The following SMARCA2 variants were observed in gnomAD, a reference collection of about 807,000 sequenced individuals.
SMARCA2 encodes SWI/SNF-related matrix-associated actin-dependent regulator of chromatin subfamily A member 2.
SMARCA2 carries 61 observed loss-of-function variants against 199.8 expected under a neutral mutation model. The observed-to-expected ratio is 0.31, with a 90% confidence interval of 0.25 to 0.38. The LOEUF is 0.38. Among genes scored for constraint, SMARCA2 ranks in the 10% least tolerant of loss-of-function variants. SMARCA2 has a pLI of 1.00. For missense variants in SMARCA2, 1,344 were observed against 2,012.2 expected (o/e 0.67, Z 6.35); for synonymous variants, 935 against 732.0 (o/e 1.28, Z -4.48).
chr9:2,139,463 T>C (rs1824363205), intron 27 of SMARCA2, among the ~76,000 whole-genome samples: 1 of 152,170 alleles, frequency 6.6e-6, no homozygotes, highest in Non-Finnish European at 1.5e-5. Context: ...TGGTGTGATA[T>C]TGTGAAGTCC....
chr9:2,187,435 G>T (rs1398313574), intron 32 of SMARCA2, among the ~76,000 whole-genome samples: 1 of 152,132 alleles, frequency 6.6e-6, no homozygotes, highest in African/African-American at 2.4e-5. Flanking sequence ...ACTCTGGGAG[G>T]CTGAGGCAGA....
At chr9:2,135,057 C>G (rs565165942) in intron 27 of SMARCA2, among the ~76,000 whole-genome samples, 1 of 152,186 alleles carries the variant, frequency 6.6e-6, no homozygotes, top group African/African-American at 2.4e-5. Flanking sequence ...CATGAGATGC[C>G]ACCTGCAAGT....
chr9:2,133,838 C>G lies in SMARCA2; in HGVS notation c.3981+9901C>G, dbSNP rs950180592. On this transcript the variant is annotated intron_variant, in intron 27 of 33. Coordinates refer to ENST00000349721, the MANE Select transcript of SMARCA2 (RefSeq NM_003070.5). ...GAAAAATAACTGTGACTTTTGATGG[C>G]TCTCTATATGGAGAATTTAGGATAG... Among the ~76,000 whole-genome samples the G allele has an allele frequency of 2.0e-5, 3 of 152,080 alleles. No individual in the cohort carries two copies. The South Asian group carries it at 6.2e-4, about 32-fold the overall frequency.
At chr9:2,083,100 A>G (rs1821640396) in intron 15 of SMARCA2, among the ~76,000 whole-genome samples, 1 of 151,782 alleles carries the variant, frequency 6.6e-6, no homozygotes, top group Admixed American at 6.6e-5. Flanking sequence ...TGCTCTCTAT[A>G]TTTATGTATT....
intron 32 of SMARCA2, among the ~76,000 whole-genome samples, chr9:2,190,120 G>T (rs529507480): frequency 2.0e-5 from 3 of 152,276 alleles, no homozygotes; most frequent in South Asian, 2.1e-4. Flanking sequence ...TGTTCTTTGG[G>T]ATATGTACCT....
chr9:2,018,197 G>C (rs1325820147), intron 1 of SMARCA2, among the ~76,000 whole-genome samples: 1 of 152,252 alleles, frequency 6.6e-6, no homozygotes, highest in Non-Finnish European at 1.5e-5. Context: ...AGGAAGGCTT[G>C]GGAATCGAGG....
intron 5 of SMARCA2, 95 bp downstream of exon 5, chr9:2,047,579 A>G (rs1001003862): frequency 2.5e-6 from 3 of 1,185,326 alleles, no homozygotes; most frequent in African/African-American, 3.2e-5. Context: ...TGGTTGGCCA[A>G]ACTGTGATTT....
At chr9:2,082,067 GT>G (rs1821588139) in intron 15 of SMARCA2, 72 bp downstream of exon 15, 1 of 1,269,662 alleles carries the variant, frequency 7.9e-7, no homozygotes, top group Non-Finnish European at 1.1e-6. Flanking sequence ...GCTTGTCCTT[GT>G]TTTTTACTTA....
At chr9:2,192,574 C>T (rs1230426561) in intron 33 of SMARCA2, 130 bp from the exon 34 acceptor site, 17 of 746,592 alleles carry the variant, frequency 2.3e-5, no homozygotes, top group East Asian at 7.6e-5. Context: ...TGTCCTCCCA[C>T]GGAAAGAGAT....
chr9:2,140,034 T>C (rs533097410), intron 27 of SMARCA2, among the ~76,000 whole-genome samples: 2 of 152,310 alleles, frequency 1.3e-5, no homozygotes, highest in African/African-American at 4.8e-5. Context: ...GTCAACTATG[T>C]CAGATTTCTC....
intron 22 of SMARCA2, among the ~76,000 whole-genome samples, chr9:2,102,473 C>A (rs1329872356): frequency 2.6e-5 from 4 of 152,148 alleles, no homozygotes; most frequent in African/African-American, 2.4e-5. Context: ...AATAACATAT[C>A]CTGTGTCATA....
chr9:2,088,188 C>A (rs1586692079), intron 18 of SMARCA2, among the ~76,000 whole-genome samples: 1 of 152,210 alleles, frequency 6.6e-6, no homozygotes, highest in East Asian at 1.9e-4. Flanking sequence ...AGTCTTCAGT[C>A]TGTCTTCATT....
At chr9:2,168,613 C>G (rs780385116) in intron 28 of SMARCA2, among the ~76,000 whole-genome samples, 85 of 152,206 alleles carry the variant, frequency 5.6e-4, no homozygotes, top group Non-Finnish European at 1.0e-3. Flanking sequence ...ATTATCATCT[C>G]AAGGCTTCAT....
intron 5 of SMARCA2, among the ~76,000 whole-genome samples, chr9:2,053,092 T>C (rs1216708616): frequency 1.3e-5 from 2 of 152,214 alleles, no homozygotes; most frequent in East Asian, 1.9e-4. Context: ...ATGAGCATAG[T>C]ACCTAAAAGT....
intron 27 of SMARCA2, among the ~76,000 whole-genome samples, chr9:2,140,809 C>T (rs953517699): frequency 6.6e-6 from 1 of 152,148 alleles, no homozygotes; most frequent in Non-Finnish European, 1.5e-5. Flanking sequence ...TAAATCCTAA[C>T]CCATGATGCA....
At chr9:2,139,743 A>G (rs1824377131) in intron 27 of SMARCA2, among the ~76,000 whole-genome samples, 1 of 152,208 alleles carries the variant, frequency 6.6e-6, no homozygotes, top group Non-Finnish European at 1.5e-5. Flanking sequence ...CTACGATAGT[A>G]ATATTGTCTA....
chr9:2,153,054 A>G (rs987145743), intron 27 of SMARCA2, among the ~76,000 whole-genome samples: 1 of 151,978 alleles, frequency 6.6e-6, no homozygotes, highest in Non-Finnish European at 1.5e-5. Context: ...AATGGCAAAA[A>G]CAAACAAACA....
At chr9:2,058,550 G>GA in intron 8 of SMARCA2, 86 bp downstream of exon 8, 2 of 1,128,888 alleles carry the variant, frequency 1.8e-6, no homozygotes, top group Non-Finnish European at 2.6e-6. Context: ...GTAGTAGAAG[G>GA]AAAAAATGAA....
intron 4 of SMARCA2, among the ~76,000 whole-genome samples, chr9:2,046,797 C>G (rs902429907): frequency 2.0e-5 from 3 of 152,084 alleles, no homozygotes; most frequent in African/African-American, 7.2e-5. Context: ...GACTCCCTTT[C>G]TTTTCTGAAC....
Sources: gnomAD v4.1 joint callset for allele counts (sites outside exome capture counted in the v4.1 genomes callset) on GRCh38, gnomAD v4.1.1 for gene constraint, MANE v1.5 for transcripts, NCBI Gene and HGNC (gene_info 2026-07-23, HGNC 2026-07-21) for gene names.